The following NKAIN3 variants were observed in gnomAD, a reference collection of about 807,000 sequenced individuals.
NKAIN3 encodes sodium/potassium transporting ATPase interacting 3.
In NKAIN3, 25 loss-of-function variants were observed where a neutral mutation model predicts 30.2. The ratio of observed to expected loss-of-function variants is 0.83; its 90% CI spans 0.60 to 1.16. The LOEUF (loss-of-function observed/expected upper bound fraction) is 1.16. Among genes scored for constraint, NKAIN3 ranks in the 50% most tolerant of loss-of-function variants. The pLI, the probability that NKAIN3 is intolerant of heterozygous loss-of-function variation, is 0.00. For missense variants in NKAIN3, 225 were observed against 254.1 expected, an observed-to-expected ratio of 0.89 and a Z score of 0.78; for synonymous variants, 91 against 89.6, an observed-to-expected ratio of 1.02 and a Z score of -0.09.
rs1816953194 is a variant in NKAIN3 at position 62,372,881 on chromosome 8, G to A, written c.54+123754G>A. ...ACAGTCCCTTCTCTGTCTTTTTGCA[G>A]GCATTTTTAAAAATTATATTTTCTA... On this transcript the variant is annotated intron_variant, in intron 1 of 6. Coordinates refer to ENST00000623646, the MANE Select transcript of NKAIN3 (RefSeq NM_001304533.3). 2.0e-5 allele frequency among the ~76,000 whole-genome samples: 3 copies of A among 151,964 alleles called. No individual in the cohort carries two copies. In the Middle Eastern group the frequency reaches 0.01, roughly 517 times the overall value.
At chr8:62,537,786 T>A (rs976066349) in intron 1 of NKAIN3, among the ~76,000 whole-genome samples, 1 of 152,128 alleles carries the variant, frequency 6.6e-6, no homozygotes, top group Non-Finnish European at 1.5e-5. Flanking sequence ...CCTCATCACA[T>A]GTAAAATGGA....
intron 4 of NKAIN3, among the ~76,000 whole-genome samples, chr8:62,780,967 G>A (rs1174496355): frequency 1.3e-5 from 2 of 151,854 alleles, no homozygotes; most frequent in Non-Finnish European, 1.5e-5. Flanking sequence ...GAAAGAAAAG[G>A]CCTCCAAATT....
chr8:62,336,199 G>A (rs1815546568), intron 1 of NKAIN3, among the ~76,000 whole-genome samples: 1 of 152,006 alleles, frequency 6.6e-6, no homozygotes, highest in South Asian at 2.1e-4. Flanking sequence ...TATTCAGCAT[G>A]TTCTGGTCCT....
intron 1 of NKAIN3, among the ~76,000 whole-genome samples, chr8:62,339,821 T>C (rs16928714): frequency 0.039 from 5,950 of 151,984 alleles, 424 homozygotes; most frequent in African/African-American, 0.14. Flanking sequence ...GTAAGAACGG[T>C]GGGCTGATTG....
At chr8:62,751,045 G>C (rs767978089) in intron 4 of NKAIN3, among the ~76,000 whole-genome samples, 3 of 152,168 alleles carry the variant, frequency 2.0e-5, no homozygotes, top group Non-Finnish European at 4.4e-5. Context: ...TCACCCTTCA[G>C]TGATTCTCAT....
intron 1 of NKAIN3, among the ~76,000 whole-genome samples, chr8:62,300,045 T>C (rs1354393044): frequency 6.6e-6 from 1 of 152,114 alleles, no homozygotes; most frequent in African/African-American, 2.4e-5. Context: ...AAAACTTGAA[T>C]GGCTAAAGGA....
chr8:62,332,817 A>G (rs552572334), intron 1 of NKAIN3, among the ~76,000 whole-genome samples: 2 of 152,284 alleles, frequency 1.3e-5, no homozygotes, highest in South Asian at 4.1e-4. Context: ...ACTTGAGCCC[A>G]GGAGTTCAAG....
intron 1 of NKAIN3, among the ~76,000 whole-genome samples, chr8:62,506,699 T>C (rs1189449658): frequency 6.6e-6 from 1 of 152,048 alleles, no homozygotes; most frequent in Non-Finnish European, 1.5e-5. Flanking sequence ...GGTCTCGAAC[T>C]CCTGACCTCA....
chr8:62,953,914 G>T lies in NKAIN3; in HGVS notation c.545G>T (p.Gly182Val). 1.0e-6 allele frequency: 1 copy of T among 975,616 alleles called. No homozygotes were observed. Among genetic ancestry groups the T allele is most frequent in the Non-Finnish European group, 1.2e-6 (1 of 820,690 alleles). The allele number at this position is 975,616 out of a possible 1,614,324, so 60.4% of individuals were successfully genotyped here. A position where few individuals can be genotyped will look rare whatever the true frequency, so the allele number is the denominator to read the frequency against. The change falls in exon 6 of 7, where the codon GGT becomes GTT. Residue 182 changes from glycine (G) to valine (V), a missense_variant. Gly to Val is a moderately radical substitution (Grantham distance 109). Coordinates refer to ENST00000623646, the MANE Select transcript of NKAIN3 (RefSeq NM_001304533.3). ...MEEEDTFDFI[G>V]GLDTHSYYQD... ...GTTATATTTTCAGTTGATTTCATAG[G>T]TGGACTTGATACACACTCCTACTAC...
intron 3 of NKAIN3, among the ~76,000 whole-genome samples, chr8:62,665,884 A>T (rs1046345395): frequency 6.6e-6 from 1 of 152,152 alleles, no homozygotes; most frequent in Non-Finnish European, 1.5e-5. Flanking sequence ...TAACCATCAA[A>T]CCACATGATT....
intron 1 of NKAIN3, among the ~76,000 whole-genome samples, chr8:62,389,136 G>A (rs1272573333): frequency 6.6e-6 from 1 of 152,158 alleles, no homozygotes; most frequent in Non-Finnish European, 1.5e-5. Context: ...AGCCTGAATA[G>A]AACTTCATCT....
At chr8:62,463,240 G>C (rs1806051041) in intron 1 of NKAIN3, among the ~76,000 whole-genome samples, 1 of 152,084 alleles carries the variant, frequency 6.6e-6, no homozygotes, top group African/African-American at 2.4e-5. Flanking sequence ...ATTATAATTT[G>C]GTTTAAGAGA....
At chr8:62,296,077 T>G (rs1813818726) in intron 1 of NKAIN3, among the ~76,000 whole-genome samples, 1 of 152,208 alleles carries the variant, frequency 6.6e-6, no homozygotes, top group African/African-American at 2.4e-5. Flanking sequence ...AAATGCCCCC[T>G]TAGTATTTGC....
At chr8:62,523,609 A>G (rs1808218855) in intron 1 of NKAIN3, among the ~76,000 whole-genome samples, 1 of 152,146 alleles carries the variant, frequency 6.6e-6, no homozygotes, top group Non-Finnish European at 1.5e-5. Context: ...GGACTGGAAT[A>G]TGTTTTTAGG....
chr8:62,741,413 AGG>A (rs1358061223), intron 3 of NKAIN3, among the ~76,000 whole-genome samples: 2 of 141,688 alleles, frequency 1.4e-5, no homozygotes, highest in Non-Finnish European at 3.0e-5. Flanking sequence ...GAAGGAAGGA[AGG>A]AAGGAAGGCA....
chr8:62,918,913 A>G (rs1479091990), intron 5 of NKAIN3, among the ~76,000 whole-genome samples: 2 of 152,150 alleles, frequency 1.3e-5, no homozygotes, highest in Non-Finnish European at 2.9e-5. Flanking sequence ...AATACATTAC[A>G]GAAAGATCTA....
chr8:62,306,340 G>A (rs1300093348), intron 1 of NKAIN3, among the ~76,000 whole-genome samples: 3 of 150,164 alleles, frequency 2.0e-5, no homozygotes, highest in Non-Finnish European at 4.4e-5. Context: ...GCAGTAATTA[G>A]ATATCTCCCA....
chr8:62,902,569 C>T lies in NKAIN3; in HGVS notation c.472-15884C>T, dbSNP rs530583905. Among the ~76,000 whole-genome samples the T allele has an allele frequency of 6.6e-5, 10 of 152,288 alleles. No homozygotes were observed. In the East Asian group the frequency reaches 1.2e-3, roughly 18 times the overall value. Reference sequence around the variant, plus strand: ...ATACTCAACCCAACCCAAGACCTTGCCTGTCACATTCTGACAAGACAAAAA... The same window carrying T: ...ATACTCAACCCAACCCAAGACCTTGTCTGTCACATTCTGACAAGACAAAAA... On this transcript the variant is annotated intron_variant, in intron 4 of 6. Coordinates refer to ENST00000623646, the MANE Select transcript of NKAIN3 (RefSeq NM_001304533.3).
chr8:62,524,465 C>A (rs1188288893), intron 1 of NKAIN3, among the ~76,000 whole-genome samples: 1 of 152,040 alleles, frequency 6.6e-6, no homozygotes, highest in African/African-American at 2.4e-5. Context: ...TGAGCAGACC[C>A]TGAAGGAACA....
Sources: gnomAD v4.1 joint callset for allele counts (sites outside exome capture counted in the v4.1 genomes callset) on GRCh38, gnomAD v4.1.1 for gene constraint, MANE v1.5 for transcripts, NCBI Gene and HGNC (gene_info 2026-07-23, HGNC 2026-07-21) for gene names.